The following PRR5L variants were observed in gnomAD, a reference collection of about 807,000 sequenced individuals.
The protein encoded by PRR5L is proline-rich protein 5-like.
PRR5L carries 21 observed loss-of-function variants against 36.4 expected under a neutral mutation model. That is an observed-to-expected ratio of 0.58 (90% confidence interval 0.41 to 0.83). The LOEUF (loss-of-function observed/expected upper bound fraction) is 0.83. Among genes scored for constraint, PRR5L ranks in the 40% least tolerant of loss-of-function variants. The probability of loss-of-function intolerance (pLI) is 0.00; values close to 1 mark genes in which losing one functional copy is unlikely to be tolerated. For missense variants in PRR5L, 381 were observed against 473.3 expected, an observed-to-expected ratio of 0.80 and a Z score of 1.81; for synonymous variants, 188 against 197.0, an observed-to-expected ratio of 0.95 and a Z score of 0.38.
intron 1 of PRR5L, among the ~76,000 whole-genome samples, chr11:36,316,193 AG>A (rs1270547558): frequency 6.6e-6 from 1 of 152,234 alleles, no homozygotes; most frequent in East Asian, 1.9e-4. Context: ...CTGCCATTGT[AG>A]GGCAAAAGCA....
intron 1 of PRR5L, among the ~76,000 whole-genome samples, chr11:36,299,872 G>A (rs777662905): frequency 4.6e-5 from 7 of 152,012 alleles, no homozygotes; most frequent in Non-Finnish European, 7.4e-5. Context: ...AAACTATAAA[G>A]GTAAACAACA....
chr11:36,325,078 C>T (rs944065310), intron 1 of PRR5L, among the ~76,000 whole-genome samples: 1 of 152,170 alleles, frequency 6.6e-6, no homozygotes, highest in African/African-American at 2.4e-5. Context: ...CTCGTGTTCT[C>T]TGACCTGGGG....
chr11:36,446,470 G>A, intron 7 of PRR5L, 30 bp downstream of exon 7: 1 of 1,610,864 alleles, frequency 6.2e-7, no homozygotes, highest in Non-Finnish European at 8.5e-7. Context: ...TTGCCCCAAG[G>A]CAGAGGGAGG....
At position 36,465,054 on chromosome 11, in the gene PRR5L, C is replaced by G. The variant is rs1307911652; in HGVS notation, c.*2318C>G. On this transcript the variant is annotated 3_prime_UTR_variant, in exon 9 of 9. Coordinates refer to ENST00000530639, the MANE Select transcript of PRR5L (RefSeq NM_001160167.2). ...GGTGTCCTTAACCACTTTTTCTCTC[C>G]TAGATTCATTTTCATTATTTATGCT... 6.6e-6 allele frequency: 1 copy of G among 152,088 alleles called. No homozygotes were observed. The highest frequency in any genetic ancestry group is 6.5e-5 in the Admixed American group (1 of 15,280). 9.4% of individuals were successfully genotyped at this position (152,088 alleles called of 1,614,324 possible).
chr11:36,297,519 A>G (rs1362720180), intron 1 of PRR5L: 1 of 152,208 alleles, frequency 6.6e-6, no homozygotes, highest in Non-Finnish European at 1.5e-5. Flanking sequence ...CGTCAAATAC[A>G]CAGGACTCAT....
chr11:36,301,806 G>A (rs2422186), intron 1 of PRR5L, among the ~76,000 whole-genome samples: 46,899 of 152,054 alleles, frequency 0.31, 8,152 homozygotes, highest in Non-Finnish European at 0.39. Flanking sequence ...TGTAGACCAA[G>A]CATTCAGTGA....
At chr11:36,379,293 T>C (rs1857330329) in intron 1 of PRR5L, 1 of 152,260 alleles carries the variant, frequency 6.6e-6, no homozygotes, top group African/African-American at 2.4e-5. Flanking sequence ...ATGTGTCTGT[T>C]TTCCTGTGGC....
intron 8 of PRR5L, among the ~76,000 whole-genome samples, chr11:36,457,708 C>T (rs1256140379): frequency 6.6e-6 from 1 of 152,158 alleles, no homozygotes; most frequent in African/African-American, 2.4e-5. Context: ...CTCCCCTTTG[C>T]ACAAACCCCT....
intron 1 of PRR5L, among the ~76,000 whole-genome samples, chr11:36,330,130 A>G (rs1386021041): frequency 1.3e-5 from 2 of 152,338 alleles, no homozygotes; most frequent in African/African-American, 2.4e-5. Context: ...AGAATACTCA[A>G]TAAGAGTTTC....
At chr11:36,431,799 C>T (rs1858501671) in intron 4 of PRR5L, 54 bp from the exon 5 acceptor site, 1 of 1,533,614 alleles carries the variant, frequency 6.5e-7, no homozygotes, top group Admixed American at 1.7e-5. Flanking sequence ...GAGGGTTCAT[C>T]ACTTACGCTC....
intron 3 of PRR5L, among the ~76,000 whole-genome samples, chr11:36,409,533 C>T (rs1361608215): frequency 4.6e-5 from 7 of 152,108 alleles, no homozygotes; most frequent in Admixed American, 4.6e-4. Flanking sequence ...AAGGGAAATC[C>T]ACCTCCGATT....
intron 1 of PRR5L, among the ~76,000 whole-genome samples, chr11:36,389,917 C>T (rs1220876352): frequency 6.6e-6 from 1 of 152,166 alleles, no homozygotes; most frequent in African/African-American, 2.4e-5. Context: ...GAGCCGACAC[C>T]TGCTTATGGT....
intron 1 of PRR5L, among the ~76,000 whole-genome samples, chr11:36,371,691 T>C (rs1857198535): frequency 6.6e-6 from 1 of 152,176 alleles, no homozygotes; most frequent in African/African-American, 2.4e-5. Flanking sequence ...TGGAGGGAGA[T>C]CAAACTTCAA....
chr11:36,349,554 G>A (rs989169287), intron 1 of PRR5L, among the ~76,000 whole-genome samples: 2 of 152,036 alleles, frequency 1.3e-5, no homozygotes, highest in East Asian at 1.9e-4. Context: ...GAAGGCGAGG[G>A]GCCTTCTGTT....
At chr11:36,359,638 C>G (rs1325240195) in intron 1 of PRR5L, among the ~76,000 whole-genome samples, 1 of 152,148 alleles carries the variant, frequency 6.6e-6, no homozygotes, top group Non-Finnish European at 1.5e-5. Context: ...GATTCCAGAG[C>G]AGATGCCATG....
At chr11:36,341,429 G>A (rs1036539046) in intron 1 of PRR5L, among the ~76,000 whole-genome samples, 4 of 152,324 alleles carry the variant, frequency 2.6e-5, no homozygotes, top group African/African-American at 9.6e-5. Flanking sequence ...TGCTGTGGAT[G>A]TAACAATGGA....
intron 8 of PRR5L, among the ~76,000 whole-genome samples, chr11:36,458,575 C>T (rs1859113504): frequency 6.6e-6 from 1 of 152,194 alleles, no homozygotes; most frequent in Admixed American, 6.5e-5. Flanking sequence ...ATTATTTATA[C>T]ACACACACAA....
At chr11:36,332,703 C>G (rs1176966581) in intron 1 of PRR5L, among the ~76,000 whole-genome samples, 1 of 152,178 alleles carries the variant, frequency 6.6e-6, no homozygotes, top group East Asian at 1.9e-4. Context: ...AGTGAGTTCT[C>G]ACTCTATTAG....
At chr11:36,336,529 CTTT>C (rs36024089) in intron 1 of PRR5L, among the ~76,000 whole-genome samples, 195 of 104,230 alleles carry the variant, frequency 1.9e-3, no homozygotes, top group African/African-American at 5.0e-3. Context: ...CGCGCCTGGC[CTTT>C]TTTTTTTTTT....
Sources: allele counts gnomAD v4.1 joint callset (sites outside exome capture counted in the v4.1 genomes callset), GRCh38; gene constraint gnomAD v4.1.1; transcripts MANE v1.5; gene names NCBI Gene and HGNC (gene_info 2026-07-23, HGNC 2026-07-21).